The following GRXCR1 variants were observed in gnomAD, a reference collection of about 807,000 sequenced individuals.
GRXCR1 encodes the protein glutaredoxin domain-containing cysteine-rich protein 1.
GRXCR1 carries 27 observed loss-of-function variants against 27.3 expected under a neutral mutation model. The ratio of observed to expected loss-of-function variants is 0.99; its 90% CI spans 0.73 to 1.37. The LOEUF (loss-of-function observed/expected upper bound fraction) is 1.37, where lower values mean the gene tolerates loss of function less well. Among genes scored for constraint, GRXCR1 ranks in the 40% most tolerant of loss-of-function variants. GRXCR1 has a pLI of 0.00. For synonymous variants in GRXCR1, 122 were observed against 131.1 expected (o/e 0.93, Z 0.47); for missense variants, 379 against 354.4 (o/e 1.07, Z -0.56).
At chr4:42,955,241 C>T (rs1560663513) in intron 1 of GRXCR1, among the ~76,000 whole-genome samples, 2 of 151,996 alleles carry the variant, frequency 1.3e-5, no homozygotes. Context: ...AATATCTCTC[C>T]CTCACCCATC....
At chr4:42,932,619 TAGAGAGAGAGAGAGAGAG>T (rs762758381) in intron 1 of GRXCR1, among the ~76,000 whole-genome samples, 34 of 22,908 alleles carry the variant, frequency 1.5e-3, no homozygotes, top group South Asian at 6.2e-3. Flanking sequence ...TATATATATA[TAGAGAGAGAGAGAGAGAG>T]AGAGAGAGAG....
intron 2 of GRXCR1, among the ~76,000 whole-genome samples, chr4:42,985,152 T>G (rs1027314361): frequency 6.6e-6 from 1 of 152,198 alleles, no homozygotes; most frequent in African/African-American, 2.4e-5. Flanking sequence ...CTGAAGGTAT[T>G]TTCATGCCTG....
intron 1 of GRXCR1, among the ~76,000 whole-genome samples, chr4:42,934,830 C>T (rs902861868): frequency 2.0e-5 from 3 of 151,924 alleles, no homozygotes; most frequent in African/African-American, 7.2e-5. Context: ...GAGGCCATGT[C>T]AATGAGCTCA....
chr4:42,936,029 A>G (rs911083383), intron 1 of GRXCR1, among the ~76,000 whole-genome samples: 4 of 151,860 alleles, frequency 2.6e-5, no homozygotes, highest in African/African-American at 9.7e-5. Context: ...TATGTAATTT[A>G]ATTTGGGAAA....
At chr4:43,001,768 C>T (rs1192031693) in intron 2 of GRXCR1, among the ~76,000 whole-genome samples, 2 of 152,158 alleles carry the variant, frequency 1.3e-5, no homozygotes, top group African/African-American at 2.4e-5. Flanking sequence ...TGCTCCAGCA[C>T]ACCAAGGACC....
In GRXCR1 at chr4:43,029,126, G is replaced by A. The variant is rs557304136; in HGVS notation, c.694-1235G>A. Among the ~76,000 whole-genome samples the A allele has an allele frequency of 7.9e-5, 12 of 152,124 alleles. No individual in the cohort carries two copies. In the South Asian group the frequency reaches 2.5e-3, roughly 32 times the overall value. ...TTTGAATACCAAAGTACATCCCACAGGTTACTAATTATGAGAGAATTATAT... is the reference window on the plus strand; with the variant it reads ...TTTGAATACCAAAGTACATCCCACAAGTTACTAATTATGAGAGAATTATAT... On this transcript the variant is annotated intron_variant, in intron 3 of 3. Coordinates refer to ENST00000399770, the MANE Select transcript of GRXCR1 (RefSeq NM_001080476.3).
At chr4:42,982,245 C>T (rs1350529352) in intron 2 of GRXCR1, among the ~76,000 whole-genome samples, 1 of 148,404 alleles carries the variant, frequency 6.7e-6, no homozygotes, top group Non-Finnish European at 1.5e-5. Context: ...GTGATATTCC[C>T]TTTCCTGTGT....
rs148947285 is a variant in GRXCR1, at chr4:42,908,285, C to T, written c.384+14635C>T. Among the ~76,000 whole-genome samples, 612 of 152,290 alleles carry T rather than the reference C, an allele frequency of 4.0e-3. 3 individuals are homozygous for T. The highest frequency in any genetic ancestry group is 0.027 in the Middle Eastern group (8 of 294). On this transcript the variant is annotated intron_variant, in intron 1 of 3. Coordinates refer to ENST00000399770, the MANE Select transcript of GRXCR1 (RefSeq NM_001080476.3). ...GTATGACGGTATACATGTTATGGTA[C>T]TGACAGGTAGTTGTAACGGTCTGGT...
chr4:42,914,831 G>A (rs1013120397), intron 1 of GRXCR1, among the ~76,000 whole-genome samples: 1 of 152,024 alleles, frequency 6.6e-6, no homozygotes, highest in Non-Finnish European at 1.5e-5. Context: ...TGAATCATGG[G>A]GGCAGTTTCC....
chr4:42,931,342 G>A (rs1747300520), intron 1 of GRXCR1, among the ~76,000 whole-genome samples: 1 of 151,976 alleles, frequency 6.6e-6, no homozygotes, highest in South Asian at 2.1e-4. Context: ...ATTCTGGTGG[G>A]TCTGCAGCAG....
chr4:43,010,351 C>T (rs577892784), intron 2 of GRXCR1, among the ~76,000 whole-genome samples: 7 of 150,208 alleles, frequency 4.7e-5, no homozygotes, highest in Non-Finnish European at 8.9e-5. Flanking sequence ...TGCAGTGAGC[C>T]GAGATCGCAC....
intron 1 of GRXCR1, among the ~76,000 whole-genome samples, chr4:42,961,966 C>A (rs1285768855): frequency 1.3e-5 from 2 of 151,860 alleles, no homozygotes; most frequent in Non-Finnish European, 2.9e-5. Context: ...CTCATGTATC[C>A]CATGGTCTCA....
chr4:43,009,730 T>C (rs1240543888), intron 2 of GRXCR1, among the ~76,000 whole-genome samples: 1 of 152,040 alleles, frequency 6.6e-6, no homozygotes, highest in Non-Finnish European at 1.5e-5. Context: ...TCCTCAGGGC[T>C]CTGCCTTCAT....
intron 1 of GRXCR1, among the ~76,000 whole-genome samples, chr4:42,960,642 G>GT (rs200228120): frequency 0.011 from 1,698 of 149,232 alleles, 18 homozygotes; most frequent in Non-Finnish European, 0.018. Flanking sequence ...CTACACTTGT[G>GT]TTTTTTTTTC....
At chr4:42,897,962 A>C (rs931631784) in intron 1 of GRXCR1, among the ~76,000 whole-genome samples, 1 of 105,084 alleles carries the variant, frequency 9.5e-6, no homozygotes, top group African/African-American at 3.1e-5. Context: ...TATTATTCTT[A>C]TTATGTCTGT....
At chr4:43,008,615 G>A (rs114207160) in intron 2 of GRXCR1, among the ~76,000 whole-genome samples, 2,554 of 152,130 alleles carry the variant, frequency 0.017, 71 homozygotes, top group African/African-American at 0.058. Flanking sequence ...GTTTTATATT[G>A]GACTGTGGTT....
intron 1 of GRXCR1, among the ~76,000 whole-genome samples, chr4:42,905,998 C>G (rs1270490434): frequency 3.3e-5 from 5 of 152,152 alleles, no homozygotes; most frequent in Admixed American, 2.6e-4. Flanking sequence ...TTCTGAATGA[C>G]AAAAGCGTTT....
rs1222128156 is a variant in GRXCR1 at position 42,945,465 on chromosome 4, C to T, written c.385-17427C>T. ...TTTCTGCTTCTTCTTTCCTTCTTTT[C>T]TTCCTTACCTTTGGGAGTGGTAACA... On this transcript the variant is annotated intron_variant, in intron 1 of 3. Coordinates refer to ENST00000399770, the MANE Select transcript of GRXCR1 (RefSeq NM_001080476.3). Among the ~76,000 whole-genome samples, 7 of 152,170 alleles carry T rather than the reference C, an allele frequency of 4.6e-5. No individual in the cohort carries two copies. In the East Asian group the frequency reaches 5.8e-4, roughly 13 times the overall value.
chr4:42,915,894 C>T (rs960216830), intron 1 of GRXCR1, among the ~76,000 whole-genome samples: 3 of 151,940 alleles, frequency 2.0e-5, no homozygotes, highest in African/African-American at 7.3e-5. Context: ...TATTTTACCT[C>T]CCATTGCTAG....
Sources: allele counts gnomAD v4.1 joint callset (sites outside exome capture counted in the v4.1 genomes callset), GRCh38; gene constraint gnomAD v4.1.1; transcripts MANE v1.5; gene names NCBI Gene and HGNC (gene_info 2026-07-23, HGNC 2026-07-21).